PAK1: variants seen among roughly 807,000 people sequenced by gnomAD.
PAK1 encodes serine/threonine-protein kinase PAK 1.
PAK1 carries 29 observed loss-of-function variants against 67.4 expected under a neutral mutation model. That is an observed-to-expected ratio of 0.43 (90% CI 0.32 to 0.59). The LOEUF is 0.59. PAK1 is among the 20% of genes least tolerant of loss of function. The pLI, the probability that PAK1 is intolerant of heterozygous loss-of-function variation, is 0.07. For synonymous variants in PAK1, 223 were observed against 237.4 expected (o/e 0.94, Z 0.56); for missense variants, 337 against 670.7 (o/e 0.50, Z 5.50).
At chr11:77,343,459 AAAC>A (rs1400031675) in intron 10 of PAK1, among the ~76,000 whole-genome samples, 1 of 152,318 alleles carries the variant, frequency 6.6e-6, no homozygotes, top group South Asian at 2.1e-4. Flanking sequence ...GAACATAAAC[AAAC>A]AACAAGTTAT....
At chr11:77,338,197 C>A (rs959007508) in intron 11 of PAK1, among the ~76,000 whole-genome samples, 2 of 152,132 alleles carry the variant, frequency 1.3e-5, no homozygotes, top group African/African-American at 4.8e-5. Flanking sequence ...ATGAGATCAT[C>A]TCAGCTTTTC....
chr11:77,335,214 G>A (rs12223138), intron 13 of PAK1, among the ~76,000 whole-genome samples: 10,272 of 152,044 alleles, frequency 0.068, 785 homozygotes, highest in East Asian at 0.24. Flanking sequence ...TCATTCCCTA[G>A]GTGAGTGATC....
intron 14 of PAK1, among the ~76,000 whole-genome samples, chr11:77,326,956 A>C (rs1276221322): frequency 2.6e-5 from 4 of 152,260 alleles, no homozygotes; most frequent in African/African-American, 9.6e-5. Flanking sequence ...GATGGAGCTG[A>C]AAACCAAGGC....
At chr11:77,510,472 C>T in the PAK1 span, among the ~76,000 whole-genome samples, 5 of 152,200 alleles carry the variant, frequency 3.3e-5, no homozygotes, top group East Asian at 9.7e-4. Context: ...CTCATGATTC[C>T]CCCACCTCAG....
intron 1 of PAK1, among the ~76,000 whole-genome samples, chr11:77,408,650 T>C (rs143799025): frequency 4.6e-5 from 7 of 152,088 alleles, no homozygotes; most frequent in Non-Finnish European, 5.9e-5. Flanking sequence ...TCCCCCACTT[T>C]AAGGACAGTG....
intron 1 of PAK1, among the ~76,000 whole-genome samples, chr11:77,439,558 A>G (rs1220642496): frequency 1.4e-5 from 2 of 144,348 alleles, no homozygotes; most frequent in Non-Finnish European, 3.2e-5. Flanking sequence ...ATATTCTACA[A>G]TTCTCTTTTC....
At chr11:77,460,059 A>C (rs1482949553) in intron 1 of PAK1, among the ~76,000 whole-genome samples, 2 of 151,892 alleles carry the variant, frequency 1.3e-5, no homozygotes, top group Non-Finnish European at 2.9e-5. Context: ...TTGTTTACTG[A>C]ATGAGAAGGA....
chr11:77,332,361 A>AG (rs1391311836), intron 14 of PAK1, among the ~76,000 whole-genome samples: 1 of 154 alleles, frequency 6.5e-3, no homozygotes, highest in Non-Finnish European at 0.017. Context: ...AGGGAAGGGA[A>AG]GGGAAAGGAA....
chr11:77,364,173 T>C (rs1054709688), intron 5 of PAK1, among the ~76,000 whole-genome samples: 1 of 152,246 alleles, frequency 6.6e-6, no homozygotes, highest in Non-Finnish European at 1.5e-5. Context: ...AGCCTCATGC[T>C]AGTCACACAT....
chr11:77,474,577 C>T (rs1050246363), upstream of PAK1: 5 of 152,162 alleles, frequency 3.3e-5, no homozygotes, highest in African/African-American at 9.7e-5. Context: ...TAACAAAGCA[C>T]CACCGCATCT....
In PAK1 at chr11:77,326,769, G is replaced by A. The variant is rs1036666336; in HGVS notation, c.1552-3409C>T. Among the ~76,000 whole-genome samples, 18 of 152,276 alleles carry A rather than the reference G, an allele frequency of 1.2e-4. 1 individual carries two copies. Among genetic ancestry groups the A allele is most frequent in the Middle Eastern group, 6.8e-3 (2 of 294 alleles). ...AGGAACGCAGCTCCTCACCAGCAAC[G>A]GAACAAAGCTGGATGGAGAATGACT... On this transcript the variant is annotated intron_variant, in intron 14 of 14. Transcript: ENST00000356341.
At chr11:77,343,095 G>T (rs764305838) in intron 10 of PAK1, among the ~76,000 whole-genome samples, 1 of 152,016 alleles carries the variant, frequency 6.6e-6, no homozygotes, top group Admixed American at 6.6e-5. Context: ...TACTGTTCAT[G>T]AAAGTGCTTG....
chr11:77,365,445 T>A (rs1054446216), intron 5 of PAK1, among the ~76,000 whole-genome samples: 2 of 151,246 alleles, frequency 1.3e-5, no homozygotes, highest in African/African-American at 4.9e-5. Context: ...AAAAAATATT[T>A]AAAGAAATAA....
At chr11:77,496,019 C>CTTT in the PAK1 span, among the ~76,000 whole-genome samples, 1 of 126,260 alleles carries the variant, frequency 7.9e-6, no homozygotes. Context: ...GAACTGTACA[C>CTTT]TTTTTTTTTT....
chr11:77,379,304 C>G lies in PAK1; in HGVS notation c.376G>C (p.Asp126His), dbSNP rs1164040392. Reference protein sequence around the residue: ...EQKKNPQAVLDVLEFYNSKKT... With the variant: ...EQKKNPQAVLHVLEFYNSKKT... ...TTCGAGTTGTAAAACTCCAACACAT[C>G]CAGAACAGCCTGCGGGTTTTTCTTC... The change falls in exon 4 of 15, where the codon GAT becomes CAT. Residue 126 changes from aspartate to histidine, a missense_variant. Physicochemically the swap from Asp to His is moderately conservative, Grantham distance 81 (BLOSUM62 -1). Transcript: ENST00000356341. The G allele has an allele frequency of 6.2e-7, 1 of 1,613,844 alleles. No homozygotes were observed. Among genetic ancestry groups the G allele is most frequent in the Non-Finnish European group, 8.5e-7 (1 of 1,179,964 alleles).
At chr11:77,333,958 G>C (rs564631115) in intron 13 of PAK1, among the ~76,000 whole-genome samples, 1 of 151,804 alleles carries the variant, frequency 6.6e-6, no homozygotes, top group African/African-American at 2.4e-5. Flanking sequence ...TCAGGAGTTC[G>C]AGACCATCGA....
At chr11:77,326,187 G>A (rs1055760917) in intron 14 of PAK1, among the ~76,000 whole-genome samples, 4 of 152,122 alleles carry the variant, frequency 2.6e-5, no homozygotes, top group South Asian at 2.1e-4. Flanking sequence ...CAAATGATGC[G>A]GCCTGCTAAA....
At chr11:77,331,138 C>G (rs1320609830) in intron 14 of PAK1, among the ~76,000 whole-genome samples, 33 of 152,228 alleles carry the variant, frequency 2.2e-4, no homozygotes, top group East Asian at 1.2e-3. Context: ...GGAAACAACA[C>G]GTGCTGGAGA....
At chr11:77,474,928 TAA>T (rs764443464), upstream of PAK1, 4 of 152,340 alleles carry the variant, frequency 2.6e-5, no homozygotes, top group Admixed American at 2.0e-4. Context: ...TTAGAAAGGC[TAA>T]GAGTCCGGAA....
Sources: allele counts gnomAD v4.1 joint callset (sites outside exome capture counted in the v4.1 genomes callset), GRCh38; gene constraint gnomAD v4.1.1; transcripts MANE v1.5; gene names NCBI Gene and HGNC (gene_info 2026-07-23, HGNC 2026-07-21).